ADAMTS16: variants seen among roughly 807,000 people sequenced by gnomAD.
The protein encoded by ADAMTS16 is A disintegrin and metalloproteinase with thrombospondin motifs 16.
Under a neutral mutation model 145.8 loss-of-function variants are expected in ADAMTS16, and 94 were observed. That is an observed-to-expected ratio of 0.64 (90% CI 0.55 to 0.77). The LOEUF (loss-of-function observed/expected upper bound fraction) is 0.77, where lower values mean the gene tolerates loss of function less well. ADAMTS16 is among the 30% of genes least tolerant of loss of function. ADAMTS16 has a pLI of 0.00. For synonymous variants in ADAMTS16, 659 were observed against 604.3 expected, an observed-to-expected ratio of 1.09 and a Z score of -1.33; for missense variants, 1,585 against 1,591.5, an observed-to-expected ratio of 1.00 and a Z score of 0.07.
chr5:5,161,017 C>T (rs1734730260), intron 3 of ADAMTS16, among the ~76,000 whole-genome samples: 1 of 152,158 alleles, frequency 6.6e-6, no homozygotes, highest in South Asian at 2.1e-4. Flanking sequence ...AAAGCCCATA[C>T]CTTAGTAATC....
intron 12 of ADAMTS16, among the ~76,000 whole-genome samples, chr5:5,234,152 T>A (rs910723177): frequency 5.9e-5 from 9 of 152,226 alleles, no homozygotes; most frequent in Admixed American, 4.6e-4. Flanking sequence ...TACGCCACGC[T>A]GTACCCCTTG....
chr5:5,296,835 G>T lies in ADAMTS16; in HGVS notation c.2790-6433G>T, dbSNP rs1392870023. Among the ~76,000 whole-genome samples the T allele has an allele frequency of 2.6e-5, 4 of 152,336 alleles. No individual in the cohort carries two copies. In the East Asian group the frequency reaches 7.7e-4, roughly 29 times the overall value. ...TCAACCTCAGATGTAATTAGGTCTA[G>T]ATCGTTAGGTTGCCTACCCGTGTGT... On this transcript the variant is annotated intron_variant, in intron 18 of 22. Coordinates refer to ENST00000274181, the MANE Select transcript of ADAMTS16 (RefSeq NM_139056.4).
At chr5:5,215,979 G>A (rs1736428735) in intron 10 of ADAMTS16, among the ~76,000 whole-genome samples, 1 of 146,732 alleles carries the variant, frequency 6.8e-6, no homozygotes, top group Non-Finnish European at 1.5e-5. Context: ...TTTTGCAATT[G>A]TAAATTGTGC....
intron 9 of ADAMTS16, 107 bp downstream of exon 9, chr5:5,200,376 G>T: frequency 6.9e-7 from 1 of 1,454,188 alleles, no homozygotes; most frequent in South Asian, 1.3e-5. Flanking sequence ...TCCTGATGTG[G>T]TTCCCTTTGA....
At chr5:5,225,152 G>A (rs1433018389) in intron 11 of ADAMTS16, among the ~76,000 whole-genome samples, 4 of 152,088 alleles carry the variant, frequency 2.6e-5, no homozygotes, top group African/African-American at 4.8e-5. Flanking sequence ...GTGGGACTCT[G>A]TAAGCCAAAG....
rs138402289 is a variant in ADAMTS16 at position 5,268,679 on chromosome 5, A to G, written c.2789+5896A>G. 4.8e-3 allele frequency among the ~76,000 whole-genome samples: 726 copies of G among 152,234 alleles called. 8 individuals carry two copies. Among genetic ancestry groups the G allele is most frequent in the African/African-American group, 0.016 (677 of 41,534 alleles). ...TACATCCACCTGCACAGGGATCCCG[A>G]CTGGACACTATTTCTGTCCTCCCAG... On this transcript the variant is annotated intron_variant, in intron 18 of 22. Transcript: ENST00000274181.
intron 21 of ADAMTS16, among the ~76,000 whole-genome samples, chr5:5,307,982 G>T (rs1422407219): frequency 6.6e-6 from 1 of 152,188 alleles, no homozygotes; most frequent in Non-Finnish European, 1.5e-5. Flanking sequence ...TTGTCATGGG[G>T]GCTGAATGCT....
chr5:5,152,196 G>A (rs1323684269), intron 3 of ADAMTS16, among the ~76,000 whole-genome samples: 2 of 152,210 alleles, frequency 1.3e-5, no homozygotes, highest in Non-Finnish European at 2.9e-5. Flanking sequence ...CATGCAGCCT[G>A]TCTCTTCTCC....
intron 3 of ADAMTS16, among the ~76,000 whole-genome samples, chr5:5,160,003 T>C (rs1298371557): frequency 2.6e-5 from 4 of 152,216 alleles, no homozygotes; most frequent in Non-Finnish European, 5.9e-5. Flanking sequence ...CCTTTGCAGG[T>C]TATCATTAGG....
intron 18 of ADAMTS16, among the ~76,000 whole-genome samples, chr5:5,268,498 C>T (rs190120297): frequency 3.2e-4 from 49 of 152,308 alleles, no homozygotes; most frequent in South Asian, 4.1e-4. Flanking sequence ...ATCCTTCCAA[C>T]GCACCTACCT....
chr5:5,239,632 C>T (rs1283984597), intron 15 of ADAMTS16, 49 bp from the exon 16 acceptor site: 2 of 1,601,878 alleles, frequency 1.2e-6, no homozygotes, highest in South Asian at 1.1e-5. Flanking sequence ...AGATTTTGCC[C>T]CTGCTTTCTG....
intron 2 of ADAMTS16, among the ~76,000 whole-genome samples, chr5:5,145,925 G>A (rs1359410168): frequency 6.6e-6 from 1 of 152,082 alleles, no homozygotes; most frequent in East Asian, 1.9e-4. Flanking sequence ...GCACATTATG[G>A]GGCCCTTGTT....
In ADAMTS16 at chr5:5,317,688, G is replaced by A. The variant is rs1321862474; in HGVS notation, c.3412-446G>A. 1.3e-5 allele frequency among the ~76,000 whole-genome samples: 2 copies of A among 152,088 alleles called. No individual in the cohort carries two copies. The highest frequency in any genetic ancestry group is 1.9e-4 in the East Asian group (1 of 5,186). ...GCTGGGATTACAGGCATGAGCCACC[G>A]TGCCCGGCAGTATATTTACTTTTTT... On this transcript the variant is annotated intron_variant, in intron 21 of 22. Transcript: ENST00000274181. The surrounding 1 kb of genome is among the most constrained non-coding windows in gnomAD (Gnocchi z 4.5).
chr5:5,271,441 C>T (rs1266787999), intron 18 of ADAMTS16, among the ~76,000 whole-genome samples: 4 of 152,398 alleles, frequency 2.6e-5, no homozygotes, highest in African/African-American at 9.6e-5. Context: ...CTCCTCCCTG[C>T]GCGGGCACTG....
At chr5:5,262,889 C>A in intron 18 of ADAMTS16, 106 bp downstream of exon 18, 2 of 1,499,872 alleles carry the variant, frequency 1.3e-6, no homozygotes, top group South Asian at 2.6e-5. Flanking sequence ...GCCATCATGT[C>A]ACTCATAACA....
rs542026081 is a variant in ADAMTS16, at chr5:5,318,398, C to T, written c.3559+117C>T. 18 of 1,057,172 alleles carry T rather than the reference C, an allele frequency of 1.7e-5. No individual in the cohort carries two copies. The South Asian group carries it at 6.6e-4, about 39-fold the overall frequency. The allele number at this position is 1,057,172 out of a possible 1,614,324, so 65.5% of individuals were successfully genotyped here. A position where few individuals can be genotyped will look rare whatever the true frequency, so the allele number is the denominator to read the frequency against. On this transcript the variant is annotated intron_variant, in intron 22 of 22. Transcript: ENST00000274181. ...CTTGCGTCTGATCTACCTTTTCTCTCTTTGCATCTTCTCCAGTTTTACAAT... is the reference window on the plus strand; with the variant it reads ...CTTGCGTCTGATCTACCTTTTCTCTTTTTGCATCTTCTCCAGTTTTACAAT...
chr5:5,309,289 C>T (rs1410100472), intron 21 of ADAMTS16, among the ~76,000 whole-genome samples: 2 of 152,074 alleles, frequency 1.3e-5, no homozygotes, highest in Admixed American at 6.5e-5. Flanking sequence ...GTTCTCATGG[C>T]GTCAATGTAG....
rs270208 is a variant in ADAMTS16 at position 5,140,519 on chromosome 5, T to C, written c.52T>C (p.Leu18=). ...GGGCTTGGCGGCGCTGTGGATGCTG[T>C]TGGCGCAGGTGGCCGAGCAGGTGAG... ...WRGLAALWML[L]AQVAEQAPAC... Residue 18 remains leucine, a synonymous_variant, in exon 1 of 23, where the codon TTG becomes CTG. Coordinates refer to ENST00000274181, the MANE Select transcript of ADAMTS16 (RefSeq NM_139056.4). The C allele has an allele frequency of 0.54, 819,488 of 1,514,390 alleles. 226,287 individuals are homozygous for C. The highest frequency in any genetic ancestry group is 0.78 in the East Asian group (29,600 of 37,750). The allele number at this position is 1,514,390 out of a possible 1,614,324, so 93.8% of individuals were successfully genotyped here.
At chr5:5,197,909 C>G (rs1053180011) in intron 8 of ADAMTS16, among the ~76,000 whole-genome samples, 1 of 152,150 alleles carries the variant, frequency 6.6e-6, no homozygotes, top group African/African-American at 2.4e-5. Flanking sequence ...ATGCCAGCTC[C>G]TAACCCTCGA....
Sources: gnomAD v4.1 joint callset for allele counts (sites outside exome capture counted in the v4.1 genomes callset) on GRCh38, gnomAD v4.1.1 for gene constraint, Gnocchi (gnomAD v3.1) non-coding constraint, MANE v1.5 for transcripts, NCBI Gene and HGNC (gene_info 2026-07-23, HGNC 2026-07-21) for gene names.